The following SCUBE1 variants were observed in gnomAD, a reference collection of about 807,000 sequenced individuals.
SCUBE1 encodes the protein signal peptide, CUB domain and EGF like domain containing 1.
SCUBE1 carries 59 observed loss-of-function variants against 124.4 expected under a neutral mutation model. The observed-to-expected ratio is 0.47, with a 90% CI of 0.38 to 0.59. SCUBE1 has a LOEUF of 0.59. Among genes scored for constraint, SCUBE1 ranks in the 20% least tolerant of loss-of-function variants. The pLI, the probability that SCUBE1 is intolerant of heterozygous loss-of-function variation, is 0.00. For missense variants in SCUBE1, 1,150 were observed against 1,371.2 expected (o/e 0.84, Z 2.55); for synonymous variants, 545 against 550.9 (o/e 0.99, Z 0.15).
chr22:43,248,837 G>C (rs1448911773), intron 6 of SCUBE1, among the ~76,000 whole-genome samples: 1 of 152,168 alleles, frequency 6.6e-6, no homozygotes, highest in Non-Finnish European at 1.5e-5. Flanking sequence ...CTCTGAGCTG[G>C]ATACCTGCCT....
At chr22:43,204,561 A>T (rs1355600058) in intron 21 of SCUBE1, among the ~76,000 whole-genome samples, 1 of 152,006 alleles carries the variant, frequency 6.6e-6, no homozygotes, top group Non-Finnish European at 1.5e-5. Context: ...GGCCTCCCAA[A>T]GTGCTGGGAT....
intron 2 of SCUBE1, among the ~76,000 whole-genome samples, chr22:43,338,545 AG>A (rs1421425259): frequency 8.6e-5 from 13 of 151,200 alleles, no homozygotes; most frequent in Admixed American, 6.6e-4. Context: ...TTTTTTTTTG[AG>A]ACAGAGTCTT....
At chr22:43,276,911 A>G (rs958177285) in intron 4 of SCUBE1, among the ~76,000 whole-genome samples, 1 of 152,136 alleles carries the variant, frequency 6.6e-6, no homozygotes, top group Non-Finnish European at 1.5e-5. Flanking sequence ...CGTCAACTCC[A>G]TGACCTCGCC....
intron 7 of SCUBE1, among the ~76,000 whole-genome samples, chr22:43,236,140 C>G (rs1922752978): frequency 1.3e-5 from 2 of 152,196 alleles, no homozygotes; most frequent in Admixed American, 6.5e-5. Flanking sequence ...CAGACCCTGC[C>G]AAGATCAGGG....
intron 4 of SCUBE1, among the ~76,000 whole-genome samples, chr22:43,280,355 G>C (rs73886561): frequency 0.018 from 2,617 of 149,346 alleles, 34 homozygotes; most frequent in African/African-American, 0.029. Context: ...TCTGCCGAGA[G>C]TCAGCTCACC....
At chr22:43,289,000 C>T (rs1209366169) in intron 4 of SCUBE1, among the ~76,000 whole-genome samples, 1 of 152,254 alleles carries the variant, frequency 6.6e-6, no homozygotes, top group East Asian at 1.9e-4. Context: ...AACAAACAGG[C>T]TGTGGCTGCG....
chr22:43,255,471 T>C lies in SCUBE1; in HGVS notation c.727+2748A>G. On this transcript the variant is annotated intron_variant, in intron 6 of 21. Transcript: ENST00000360835. This position sits in a 1 kb window ranked among gnomAD's most constrained non-coding sequence, Gnocchi z 4.7. Reference sequence around the variant, plus strand: ...ACAAGTGCAAGTACGACAAAGGAAGTGGAAGAAAAGTGTTACCCATGAGTA... The same window carrying C: ...ACAAGTGCAAGTACGACAAAGGAAGCGGAAGAAAAGTGTTACCCATGAGTA... 6.5e-7 allele frequency: 1 copy of C among 1,547,596 alleles called. No homozygotes were observed. The highest frequency in any genetic ancestry group is 8.7e-7 in the Non-Finnish European group (1 of 1,144,792).
chr22:43,320,990 CT>C (rs1926525796), intron 2 of SCUBE1, among the ~76,000 whole-genome samples: 1 of 152,214 alleles, frequency 6.6e-6, no homozygotes, highest in Non-Finnish European at 1.5e-5. Context: ...CAGCATCCCC[CT>C]GAGACCCCTC....
chr22:43,286,964 C>A (rs1301217600), intron 4 of SCUBE1, among the ~76,000 whole-genome samples: 1 of 152,224 alleles, frequency 6.6e-6, no homozygotes, highest in East Asian at 1.9e-4. Context: ...TCAGAAGTTA[C>A]AGACAAGAAG....
chr22:43,238,412 C>T, intron 7 of SCUBE1: 1 of 447,042 alleles, frequency 2.2e-6, no homozygotes, highest in East Asian at 4.0e-5. Flanking sequence ...CCAGACTGTC[C>T]CCATCAGCTC....
chr22:43,328,125 C>T lies in SCUBE1; in HGVS notation c.221-8060G>A, dbSNP rs149766357. On this transcript the variant is annotated intron_variant, in intron 2 of 21. Coordinates refer to ENST00000360835, the MANE Select transcript of SCUBE1 (RefSeq NM_173050.5). ...CCAAGAAGCAGGGGAGATTTCCCACCAAACCGATATGATGAAGACCAGTTA... is the reference window on the plus strand; with the variant it reads ...CCAAGAAGCAGGGGAGATTTCCCACTAAACCGATATGATGAAGACCAGTTA... 5.1e-3 allele frequency among the ~76,000 whole-genome samples: 776 copies of T among 152,282 alleles called. 13 individuals carry two copies. The highest frequency in any genetic ancestry group is 0.038 in the Admixed American group (585 of 15,302).
chr22:43,206,034 C>T (rs1333348600), intron 21 of SCUBE1, among the ~76,000 whole-genome samples: 1 of 131,690 alleles, frequency 7.6e-6, no homozygotes, highest in Non-Finnish European at 1.6e-5. Context: ...ACCCACTCAC[C>T]ACACACTCAC....
intron 6 of SCUBE1, among the ~76,000 whole-genome samples, chr22:43,246,821 C>T (rs1231023102): frequency 2.0e-5 from 3 of 152,178 alleles, no homozygotes; most frequent in Admixed American, 6.5e-5. Context: ...GGTGGGCCTC[C>T]GGCAGTGATG....
Position 43,270,795 on chromosome 22 carries a change from G to A in SCUBE1, c.485-7950C>T, listed in dbSNP as rs116313121. Among the ~76,000 whole-genome samples the A allele has an allele frequency of 6.1e-3, 927 of 152,326 alleles. 13 individuals are homozygous for A. Among genetic ancestry groups the A allele is most frequent in the African/African-American group, 0.021 (880 of 41,566 alleles). ...CCAGCTGCAGAGGGAACTTTCTAGT[G>A]CATAAATCTGACTGTGTCTTCCTAC... On this transcript the variant is annotated intron_variant, in intron 4 of 21. Transcript: ENST00000360835.
intron 3 of SCUBE1, among the ~76,000 whole-genome samples, chr22:43,292,556 A>AACACACACACACACACACACACAC (rs3985926): frequency 4.3e-5 from 6 of 139,676 alleles, no homozygotes; most frequent in East Asian, 2.2e-4. Flanking sequence ...CCCGGTCCCT[A>AACACACACACACACACACACACAC]ACACACACAC....
intron 3 of SCUBE1, among the ~76,000 whole-genome samples, chr22:43,307,908 T>C (rs1287738844): frequency 6.6e-6 from 1 of 152,224 alleles, no homozygotes. Flanking sequence ...ACTTCTGCTC[T>C]GTGGGCCACT....
At chr22:43,321,198 G>A (rs1304357237) in intron 2 of SCUBE1, among the ~76,000 whole-genome samples, 1 of 152,240 alleles carries the variant, frequency 6.6e-6, no homozygotes, top group Non-Finnish European at 1.5e-5. Flanking sequence ...TAGTGTAGAA[G>A]AGGGATTTTT....
At chr22:43,319,244 G>C (rs1926455283) in intron 3 of SCUBE1, among the ~76,000 whole-genome samples, 1 of 152,120 alleles carries the variant, frequency 6.6e-6, no homozygotes, top group Non-Finnish European at 1.5e-5. Flanking sequence ...ATATGACTGT[G>C]TCCTTATAAG....
chr22:43,278,740 C>T (rs984780798), intron 4 of SCUBE1, among the ~76,000 whole-genome samples: 1 of 152,092 alleles, frequency 6.6e-6, no homozygotes, highest in Non-Finnish European at 1.5e-5. Context: ...TGAAGTCCTG[C>T]CCCCCCAGTG....
Sources: allele counts gnomAD v4.1 joint callset (sites outside exome capture counted in the v4.1 genomes callset), GRCh38; gene constraint gnomAD v4.1.1; non-coding constraint Gnocchi (gnomAD v3.1); transcripts MANE v1.5; gene names NCBI Gene and HGNC (gene_info 2026-07-23, HGNC 2026-07-21).